The following DPYSL5 variants were observed in gnomAD, a reference collection of about 807,000 sequenced individuals.
The protein encoded by DPYSL5 is dihydropyrimidinase like 5.
Under a neutral mutation model 58.4 loss-of-function variants are expected in DPYSL5, and 9 were observed. That is an observed-to-expected ratio of 0.15 (90% CI 0.09 to 0.27). DPYSL5 has a LOEUF of 0.27. Ranked by LOEUF, DPYSL5 falls within the 10% of genes least tolerant of loss-of-function variation. The probability of loss-of-function intolerance (pLI) is 1.00; values close to 1 mark genes in which losing one functional copy is unlikely to be tolerated. For synonymous variants in DPYSL5, 293 were observed against 301.9 expected, an observed-to-expected ratio of 0.97 and a Z score of 0.31; for missense variants, 499 against 770.6, an observed-to-expected ratio of 0.65 and a Z score of 4.17.
rs769293152 is a variant in DPYSL5 at position 26,941,983 on chromosome 2, G to A, written c.1123G>A (p.Ala375Thr). The stretch of plus-strand genomic sequence containing the variant: ...AAAGATGGATGAGAACCGTTTTGTG[G>A]CCGTTACCAGTTCCAACGCAGCTAA... Reference protein sequence around the residue: ...GGKMDENRFVAVTSSNAAKLL... With the variant: ...GGKMDENRFVTVTSSNAAKLL... Residue 375 changes from alanine to threonine, a missense_variant, in exon 10 of 13, where the codon GCC becomes ACC. This residue lies in a region of DPYSL5 where 404 missense variants were observed against 647.6 expected (regional missense o/e 0.62). Coordinates refer to ENST00000288699, the MANE Select transcript of DPYSL5 (RefSeq NM_020134.4). The A allele has an allele frequency of 6.8e-6, 11 of 1,614,008 alleles. No individual in the cohort carries two copies. In the Admixed American group the frequency reaches 8.3e-5, roughly 12 times the overall value.
chr2:26,898,411 T>C lies in DPYSL5; in HGVS notation c.-4-85T>C, dbSNP rs1664069565. ...CTTCTCTGCTCACTTACCCTGACCA[T>C]GGAATTTGGGCTTTGATAGGAGGGA... On this transcript the variant is annotated intron_variant, in intron 1 of 12. Coordinates refer to ENST00000288699, the MANE Select transcript of DPYSL5 (RefSeq NM_020134.4). This position sits in a 1 kb window ranked among gnomAD's most constrained non-coding sequence, Gnocchi z 6.1. 1 of 1,548,766 alleles carries C rather than the reference T, an allele frequency of 6.5e-7. No individual in the cohort carries two copies. Among genetic ancestry groups the C allele is most frequent in the African/African-American group, 1.4e-5 (1 of 73,674 alleles).
chr2:26,883,771 A>G (rs1339277497), intron 1 of DPYSL5, among the ~76,000 whole-genome samples: 3 of 152,198 alleles, frequency 2.0e-5, no homozygotes, highest in Non-Finnish European at 4.4e-5. Context: ...GGCTGTAGTC[A>G]GTTCATACTA....
At chr2:26,914,419 G>A (rs1221225603) in intron 2 of DPYSL5, among the ~76,000 whole-genome samples, 1 of 152,160 alleles carries the variant, frequency 6.6e-6, no homozygotes. Context: ...ATCTTTCCCT[G>A]GGGGGTCCTC....
chr2:26,904,306 T>G (rs1003505937), intron 2 of DPYSL5, among the ~76,000 whole-genome samples: 1 of 152,234 alleles, frequency 6.6e-6, no homozygotes, highest in African/African-American at 2.4e-5. Flanking sequence ...GCTTGGCAGG[T>G]TGCTTTTGCT....
chr2:26,866,006 G>A (rs139976602), intron 1 of DPYSL5, among the ~76,000 whole-genome samples: 1 of 152,326 alleles, frequency 6.6e-6, no homozygotes, highest in African/African-American at 2.4e-5. Context: ...GTGTTTGTCT[G>A]CATGGTGAGT....
intron 1 of DPYSL5, among the ~76,000 whole-genome samples, chr2:26,889,799 C>T (rs935186080): frequency 1.3e-5 from 2 of 152,194 alleles, no homozygotes; most frequent in Admixed American, 1.3e-4. Context: ...CCACCCTCTG[C>T]CTGACTCCTT....
Position 26,948,093 on chromosome 2 carries a change from A to ACACACACACG in DPYSL5, c.*1107_*1108insGCACACACAC, listed in dbSNP as rs1553323430. 5 of 154,904 alleles carry ACACACACACG rather than the reference A, an allele frequency of 3.2e-5. No homozygotes were observed. The highest frequency in any genetic ancestry group is 9.8e-5 in the African/African-American group (4 of 40,976). 9.6% of individuals were successfully genotyped at this position (154,904 alleles called of 1,614,324 possible). On this transcript the variant is annotated 3_prime_UTR_variant, in exon 13 of 13. Coordinates refer to ENST00000288699, the MANE Select transcript of DPYSL5 (RefSeq NM_020134.4). ...TGCCACCACACACACACACACACAC[A>ACACACACACG]CACACACACACACACACGCACGGCT...
chr2:26,914,155 T>TG (rs1664507378), intron 2 of DPYSL5, among the ~76,000 whole-genome samples: 1 of 152,194 alleles, frequency 6.6e-6, no homozygotes, highest in Non-Finnish European at 1.5e-5. Flanking sequence ...TAAAAATACC[T>TG]GGATCGCAGC....
intron 6 of DPYSL5, 87 bp downstream of exon 6, chr2:26,931,771 G>T: frequency 7.0e-7 from 1 of 1,427,826 alleles, no homozygotes; most frequent in Admixed American, 1.7e-5. Flanking sequence ...ACTTTGGGAG[G>T]CCGAGGTGCG....
chr2:26,868,151 C>G (rs924807622), intron 1 of DPYSL5, among the ~76,000 whole-genome samples: 1 of 152,116 alleles, frequency 6.6e-6, no homozygotes, highest in African/African-American at 2.4e-5. Flanking sequence ...TAGCTTTGTT[C>G]TTCTGTGTAT....
chr2:26,882,090 CAAAA>C (rs752138649), intron 1 of DPYSL5, among the ~76,000 whole-genome samples: 2 of 41,088 alleles, frequency 4.9e-5, no homozygotes, highest in Admixed American at 2.7e-4. Context: ...GACTCCATCT[CAAAA>C]AAAAAAAAAA....
At chr2:26,863,863 T>TA (rs1052873562) in intron 1 of DPYSL5, among the ~76,000 whole-genome samples, 1 of 152,218 alleles carries the variant, frequency 6.6e-6, no homozygotes, top group Admixed American at 6.5e-5. Context: ...CCACATTTTT[T>TA]AATCTTAAGA....
At chr2:26,926,972 G>T (rs1664842587) in intron 3 of DPYSL5, among the ~76,000 whole-genome samples, 1 of 152,250 alleles carries the variant, frequency 6.6e-6, no homozygotes, top group African/African-American at 2.4e-5. Context: ...AGACATAGGG[G>T]ACAGGCCTAA....
intron 5 of DPYSL5, among the ~76,000 whole-genome samples, chr2:26,929,024 C>T (rs977476218): frequency 7.2e-5 from 11 of 152,084 alleles, no homozygotes; most frequent in African/African-American, 2.2e-4. Context: ...GGTCATGAAC[C>T]GGTACAGGAC....
intron 1 of DPYSL5, among the ~76,000 whole-genome samples, chr2:26,889,141 T>C (rs1663805533): frequency 6.6e-6 from 1 of 152,196 alleles, no homozygotes; most frequent in Non-Finnish European, 1.5e-5. Flanking sequence ...ATTCCATTCA[T>C]TGCATGTAGT....
chr2:26,888,235 TTC>T (rs1558332590), intron 1 of DPYSL5, among the ~76,000 whole-genome samples: 1 of 144,854 alleles, frequency 6.9e-6, no homozygotes, highest in East Asian at 2.0e-4. Context: ...CTTTCTTTCT[TTC>T]TTTCTTTCTT....
At chr2:26,911,937 G>A (rs1276893393) in intron 2 of DPYSL5, among the ~76,000 whole-genome samples, 9 of 152,210 alleles carry the variant, frequency 5.9e-5, no homozygotes, top group Admixed American at 5.2e-4. Flanking sequence ...TTCCCACCAG[G>A]TGGAAAATAC....
chr2:26,941,790 CA>C (rs1290358754), intron 9 of DPYSL5, among the ~76,000 whole-genome samples, 159 bp from the exon 10 acceptor site: 1 of 152,200 alleles, frequency 6.6e-6, no homozygotes, highest in Non-Finnish European at 1.5e-5. Flanking sequence ...CCCAGCCAAG[CA>C]GGCTGGCTCA....
intron 2 of DPYSL5, among the ~76,000 whole-genome samples, chr2:26,911,784 C>T (rs1300015959): frequency 1.3e-5 from 2 of 152,142 alleles, no homozygotes; most frequent in Non-Finnish European, 2.9e-5. Flanking sequence ...ACCGTCAGGC[C>T]TGGGCTGGAG....
Sources: gnomAD v4.1 joint callset for allele counts (sites outside exome capture counted in the v4.1 genomes callset) on GRCh38, gnomAD v4.1.1 for gene constraint, gnomAD v4.1.1 regional missense constraint, Gnocchi (gnomAD v3.1) non-coding constraint, MANE v1.5 for transcripts, NCBI Gene and HGNC (gene_info 2026-07-23, HGNC 2026-07-21) for gene names.